Variants in SYT1 observed in about 807,000 individuals in gnomAD.
SYT1 encodes synaptotagmin-1.
In SYT1, 8 loss-of-function variants were observed where a neutral mutation model predicts 44.8. The ratio of observed to expected loss-of-function variants is 0.18; its 90% CI spans 0.10 to 0.32. The LOEUF (loss-of-function observed/expected upper bound fraction) is 0.32, where lower values mean the gene tolerates loss of function less well. Ranked by LOEUF, SYT1 falls within the 10% of genes least tolerant of loss-of-function variation. The pLI, the probability that SYT1 is intolerant of heterozygous loss-of-function variation, is 1.00. For synonymous variants in SYT1, 154 were observed against 188.8 expected (o/e 0.82, Z 1.51); for missense variants, 286 against 509.3 (o/e 0.56, Z 4.22).
chr12:79,003,715 G>A (rs1870891981), intron 2 of SYT1, among the ~76,000 whole-genome samples: 1 of 151,908 alleles, frequency 6.6e-6, no homozygotes, highest in African/African-American at 2.4e-5. Flanking sequence ...CGTTGATGAT[G>A]TAGTCTGTTT....
At chr12:78,924,224 A>G (rs1291049614) in intron 1 of SYT1, among the ~76,000 whole-genome samples, 3 of 151,914 alleles carry the variant, frequency 2.0e-5, no homozygotes, top group Non-Finnish European at 2.9e-5. Context: ...TGTTAACTTC[A>G]ATCACTTTAT....
intron 3 of SYT1, among the ~76,000 whole-genome samples, chr12:79,117,361 T>A (rs1879331510): frequency 6.6e-6 from 1 of 152,064 alleles, no homozygotes; most frequent in African/African-American, 2.4e-5. Context: ...ATTCGCCAAC[T>A]GCTGTTCTGT....
chr12:79,137,158 C>T (rs1869246651), intron 3 of SYT1, among the ~76,000 whole-genome samples: 2 of 151,834 alleles, frequency 1.3e-5, no homozygotes, highest in African/African-American at 4.8e-5. Context: ...TGCAATGGTG[C>T]AATCTCGGCT....
chr12:79,174,802 T>C (rs1181604644), intron 3 of SYT1, among the ~76,000 whole-genome samples: 1 of 152,036 alleles, frequency 6.6e-6, no homozygotes, highest in Non-Finnish European at 1.5e-5. Context: ...GGAACAGGAA[T>C]TGGCATCATC....
At chr12:79,318,381 A>C (rs1039355751) in intron 8 of SYT1, among the ~76,000 whole-genome samples, 1 of 152,198 alleles carries the variant, frequency 6.6e-6, no homozygotes, top group Non-Finnish European at 1.5e-5. Context: ...TTTGTCCTCG[A>C]ATGGAACCCT....
intron 4 of SYT1, among the ~76,000 whole-genome samples, chr12:79,249,092 T>C (rs921086866): frequency 1.0e-5 from 1 of 96,924 alleles, no homozygotes; most frequent in Admixed American, 1.0e-4. Flanking sequence ...CTCTTTCTTT[T>C]TTTTTTTTTT....
At position 79,161,635 on chromosome 12, in the gene SYT1, C is replaced by T. The variant is rs1232753124; in HGVS notation, c.-17-55868C>T. On this transcript the variant is annotated intron_variant, in intron 3 of 10. Transcript: ENST00000261205. ...ATCTGATTTAAAATACTTATAACTG[C>T]ATAACAGATAATCAACTGTCTATTT... Among the ~76,000 whole-genome samples the T allele has an allele frequency of 4.6e-5, 7 of 152,104 alleles. No individual in the cohort carries two copies. In the East Asian group the frequency reaches 1.4e-3, roughly 29 times the overall value.
chr12:79,252,956 C>T (rs1877302682), intron 4 of SYT1, among the ~76,000 whole-genome samples: 1 of 152,128 alleles, frequency 6.6e-6, no homozygotes, highest in African/African-American at 2.4e-5. Context: ...ATCATATTCC[C>T]ACATAGCAAT....
intron 1 of SYT1, among the ~76,000 whole-genome samples, chr12:78,953,968 A>G (rs1879094632): frequency 6.6e-6 from 1 of 152,102 alleles, no homozygotes; most frequent in African/African-American, 2.4e-5. Flanking sequence ...TTATAGGGTC[A>G]GTGATATTAA....
At chr12:79,149,790 G>A (rs1274958267) in intron 3 of SYT1, among the ~76,000 whole-genome samples, 1 of 152,104 alleles carries the variant, frequency 6.6e-6, no homozygotes, top group Non-Finnish European at 1.5e-5. Flanking sequence ...CATTCTACAT[G>A]GCAATTACGT....
At chr12:78,978,415 C>G (rs1036809682) in intron 2 of SYT1, among the ~76,000 whole-genome samples, 2 of 152,122 alleles carry the variant, frequency 1.3e-5, no homozygotes, top group Non-Finnish European at 2.9e-5. Context: ...TTTCCTTGTA[C>G]CATGCTGTGT....
intron 9 of SYT1, among the ~76,000 whole-genome samples, chr12:79,417,389 A>G (rs1190985251): frequency 6.6e-6 from 1 of 151,896 alleles, no homozygotes; most frequent in Non-Finnish European, 1.5e-5. Flanking sequence ...TCTCTCTCTT[A>G]TCTCCACCTC....
In SYT1 at chr12:78,940,408, A is replaced by G. The variant is rs148634141; in HGVS notation, c.-216-37391A>G. Among the ~76,000 whole-genome samples, 10 of 152,314 alleles carry G rather than the reference A, an allele frequency of 6.6e-5. No individual in the cohort carries two copies. The East Asian group carries it at 1.9e-3, about 29-fold the overall frequency. On this transcript the variant is annotated intron_variant, in intron 1 of 10. Coordinates refer to ENST00000261205, the MANE Select transcript of SYT1 (RefSeq NM_005639.3). ...AACTCATTTCTTTAAGTAATTTTAA[A>G]GAGACAGTGACTTGCCTATTGCCCA...
At chr12:79,347,568 A>G (rs909762457) in intron 8 of SYT1, among the ~76,000 whole-genome samples, 3 of 152,154 alleles carry the variant, frequency 2.0e-5, no homozygotes, top group Non-Finnish European at 2.9e-5. Flanking sequence ...TATAAACCTC[A>G]TGTTGAAAAT....
At chr12:79,015,808 A>ATGTATTC (rs904436896) in intron 2 of SYT1, among the ~76,000 whole-genome samples, 5 of 152,138 alleles carry the variant, frequency 3.3e-5, no homozygotes, top group African/African-American at 1.2e-4. Flanking sequence ...TACCTATTTA[A>ATGTATTC]TGTATTCTGC....
chr12:79,173,024 A>G (rs1871637664), intron 3 of SYT1, among the ~76,000 whole-genome samples: 1 of 141,978 alleles, frequency 7.0e-6, no homozygotes, highest in African/African-American at 2.6e-5. Flanking sequence ...TGGCCTGTCC[A>G]GAAATAAAAT....
At chr12:79,263,427 C>A (rs1378463382) in intron 4 of SYT1, among the ~76,000 whole-genome samples, 1 of 152,060 alleles carries the variant, frequency 6.6e-6, no homozygotes, top group African/African-American at 2.4e-5. Context: ...GTTTTATATT[C>A]TTTCATTTAA....
At chr12:79,252,566 G>C (rs1315852688) in intron 4 of SYT1, among the ~76,000 whole-genome samples, 1 of 152,106 alleles carries the variant, frequency 6.6e-6, no homozygotes, top group African/African-American at 2.4e-5. Context: ...GCATTTGATT[G>C]TTGATATGAG....
At chr12:79,201,212 C>A (rs149549700) in intron 3 of SYT1, among the ~76,000 whole-genome samples, 17 of 152,242 alleles carry the variant, frequency 1.1e-4, no homozygotes, top group African/African-American at 4.1e-4. Context: ...TAGTTGACTA[C>A]CTTGACTACC....
Sources: allele counts gnomAD v4.1 joint callset (sites outside exome capture counted in the v4.1 genomes callset), GRCh38; gene constraint gnomAD v4.1.1; transcripts MANE v1.5; gene names NCBI Gene and HGNC (gene_info 2026-07-23, HGNC 2026-07-21).